Variants in LNP1 observed in about 807,000 individuals in gnomAD.
LNP1 encodes the protein leukemia NUP98 fusion partner 1.
Under a neutral mutation model 14.5 loss-of-function variants are expected in LNP1, and 12 were observed. The observed-to-expected ratio is 0.83, with a 90% CI of 0.53 to 1.34. The LOEUF (loss-of-function observed/expected upper bound fraction) is 1.34. LNP1 is among the 40% of genes most tolerant of loss of function. The probability of loss-of-function intolerance (pLI) is 0.00; values close to 1 mark genes in which losing one functional copy is unlikely to be tolerated. For missense variants in LNP1, 198 were observed against 210.9 expected, an observed-to-expected ratio of 0.94 and a Z score of 0.38; for synonymous variants, 75 against 71.4, an observed-to-expected ratio of 1.05 and a Z score of -0.26.
chr3:100,418,576 A>G (rs1026374683), intron 1 of LNP1, among the ~76,000 whole-genome samples: 1 of 152,192 alleles, frequency 6.6e-6, no homozygotes, highest in African/African-American at 2.4e-5. Flanking sequence ...CATAGGGTGC[A>G]GGAAAGTTTT....
intron 1 of LNP1, among the ~76,000 whole-genome samples, chr3:100,417,984 C>A (rs1707102818): frequency 1.3e-5 from 2 of 151,066 alleles, no homozygotes; most frequent in Admixed American, 6.6e-5. Context: ...CTCTTTATTT[C>A]TAATTCTTTC....
chr3:100,411,230 C>T (rs1211654114), intron 1 of LNP1, among the ~76,000 whole-genome samples: 1 of 152,220 alleles, frequency 6.6e-6, no homozygotes, highest in Admixed American at 6.5e-5. Flanking sequence ...ACTGTCTATC[C>T]TATGCCTTGT....
chr3:100,452,496 C>T (rs968789689), intron 3 of LNP1, among the ~76,000 whole-genome samples: 1 of 152,032 alleles, frequency 6.6e-6, no homozygotes, highest in Non-Finnish European at 1.5e-5. Context: ...TGTGAGCCAC[C>T]ACACCCAGCC....
At chr3:100,417,307 G>A (rs1049490327) in intron 1 of LNP1, among the ~76,000 whole-genome samples, 1 of 145,078 alleles carries the variant, frequency 6.9e-6, no homozygotes, top group Admixed American at 6.9e-5. Context: ...CCTGGTGTTG[G>A]TTGTATGACG....
intron 2 of LNP1, among the ~76,000 whole-genome samples, chr3:100,432,901 AC>A (rs895925724): frequency 5.3e-5 from 8 of 152,128 alleles, no homozygotes; most frequent in Admixed American, 3.3e-4. Flanking sequence ...GGGAGAAGAA[AC>A]CGAGTTTATT....
chr3:100,402,515 G>A (rs1356694644), intron 1 of LNP1, 76 bp downstream of exon 1: 1 of 152,176 alleles, frequency 6.6e-6, no homozygotes, highest in Non-Finnish European at 1.5e-5. Context: ...GCTAAAAATA[G>A]CAGTGGAATT....
chr3:100,431,933 T>C (rs904299330), intron 2 of LNP1, among the ~76,000 whole-genome samples: 4 of 140,844 alleles, frequency 2.8e-5, no homozygotes, highest in Admixed American at 1.5e-4. Flanking sequence ...AGGTCGAGGC[T>C]GCAGTGAACG....
intron 1 of LNP1, among the ~76,000 whole-genome samples, chr3:100,416,671 TAAA>T (rs1270035592): frequency 6.7e-6 from 1 of 150,110 alleles, no homozygotes; most frequent in Admixed American, 6.7e-5. Flanking sequence ...GTCCTTTTTT[TAAA>T]AAAAATATTT....
intron 2 of LNP1, among the ~76,000 whole-genome samples, chr3:100,446,040 A>G (rs1245979662): frequency 6.6e-6 from 1 of 152,232 alleles, no homozygotes; most frequent in Non-Finnish European, 1.5e-5. Context: ...TAGTTTATAG[A>G]TTCAATGCCA....
rs59103752 is a variant in LNP1 at position 100,425,215 on chromosome 3, C to T, written c.-33-4482C>T. ...GCGTTAGTCAGGTAGCACAGGTTAG[C>T]AGAGCCCCCAGTGTGTCTTCCCACC... On this transcript the variant is annotated intron_variant, in intron 1 of 3. Coordinates refer to ENST00000383693, the MANE Select transcript of LNP1 (RefSeq NM_001085451.2). Among the ~76,000 whole-genome samples, 1,465 of 152,328 alleles carry T rather than the reference C, an allele frequency of 9.6e-3. 48 individuals are homozygous for T. The East Asian group carries it at 0.11, about 11-fold the overall frequency.
rs759827061 is a variant in LNP1, at chr3:100,455,806, A to G, written c.417A>G (p.Glu139=). The G allele has an allele frequency of 6.2e-7, 1 of 1,614,078 alleles. No individual in the cohort carries two copies. The highest frequency in any genetic ancestry group is 8.5e-7 in the Non-Finnish European group (1 of 1,179,966). ...CTGAAAGCAGAAAGGAGAGAAATGA[A>G]AGAGAATGCCTGAGGATGGAGATAA... is the stretch of plus-strand genomic sequence containing the variant. ...LGPESRKERN[E]RECLRMEIKS... is the part of the protein sequence containing the mutation. Residue 139 remains glutamate (E), a synonymous_variant, in exon 4 of 4, where the codon GAA becomes GAG. Transcript: ENST00000383693.
intron 2 of LNP1, 189 bp from the exon 3 acceptor site, chr3:100,451,530 G>A: frequency 3.5e-6 from 2 of 579,036 alleles, no homozygotes; most frequent in Non-Finnish European, 6.1e-6. Flanking sequence ...TTGGCCCTAA[G>A]CTGTTCCCAG....
At chr3:100,439,046 A>C (rs975483802) in intron 2 of LNP1, among the ~76,000 whole-genome samples, 1 of 152,164 alleles carries the variant, frequency 6.6e-6, no homozygotes, top group Non-Finnish European at 1.5e-5. Context: ...CATTTTCCAC[A>C]AAGTCATATG....
At chr3:100,421,662 A>G (rs912331552) in intron 1 of LNP1, among the ~76,000 whole-genome samples, 3 of 152,182 alleles carry the variant, frequency 2.0e-5, no homozygotes, top group Non-Finnish European at 2.9e-5. Flanking sequence ...ATGTGAACAA[A>G]CATCCTTGTA....
intron 1 of LNP1, among the ~76,000 whole-genome samples, chr3:100,429,324 G>T (rs1377300255): frequency 6.6e-6 from 1 of 152,116 alleles, no homozygotes; most frequent in Non-Finnish European, 1.5e-5. Context: ...GGCATATTGT[G>T]AGGGTCATGC....
intron 1 of LNP1, among the ~76,000 whole-genome samples, chr3:100,424,003 C>T (rs1049230501): frequency 2.0e-5 from 3 of 152,150 alleles, no homozygotes; most frequent in African/African-American, 7.2e-5. Flanking sequence ...TTGACACTTT[C>T]TGCTAGTGCT....
At chr3:100,427,867 A>G (rs1382288085) in intron 1 of LNP1, among the ~76,000 whole-genome samples, 1 of 152,244 alleles carries the variant, frequency 6.6e-6, no homozygotes, top group East Asian at 1.9e-4. Flanking sequence ...GCCATTTGCA[A>G]AAAATAAAAA....
intron 1 of LNP1, among the ~76,000 whole-genome samples, chr3:100,416,874 C>G (rs1031424169): frequency 6.6e-6 from 1 of 151,828 alleles, no homozygotes; most frequent in Non-Finnish European, 1.5e-5. Context: ...CTAATGCTCT[C>G]CCTCCCCTTT....
intron 1 of LNP1, among the ~76,000 whole-genome samples, chr3:100,428,523 C>T (rs1029112767): frequency 6.1e-5 from 9 of 148,204 alleles, no homozygotes; most frequent in Non-Finnish European, 1.2e-4. Flanking sequence ...CAGGACGAGA[C>T]TCCATCTCAA....
Sources: allele counts gnomAD v4.1 joint callset (sites outside exome capture counted in the v4.1 genomes callset), GRCh38; gene constraint gnomAD v4.1.1; transcripts MANE v1.5; gene names NCBI Gene and HGNC (gene_info 2026-07-23, HGNC 2026-07-21).